Variants in PID1 observed in about 807,000 individuals in gnomAD.
PID1 encodes phosphotyrosine interaction domain containing 1.
A neutral mutation model predicts 19.1 loss-of-function variants in PID1; 10 were observed. That is an observed-to-expected ratio of 0.52 (90% CI 0.32 to 0.89). The LOEUF (loss-of-function observed/expected upper bound fraction) is 0.89, where lower values mean the gene tolerates loss of function less well. Among genes scored for constraint, PID1 ranks in the 40% least tolerant of loss-of-function variants. The probability of loss-of-function intolerance (pLI) is 0.03; values close to 1 mark genes in which losing one functional copy is unlikely to be tolerated. For synonymous variants in PID1, 130 were observed against 116.0 expected, an observed-to-expected ratio of 1.12 and a Z score of -0.78; for missense variants, 248 against 285.3, an observed-to-expected ratio of 0.87 and a Z score of 0.94.
intron 1 of PID1, among the ~76,000 whole-genome samples, chr2:229,185,853 C>A (rs1206375250): frequency 2.0e-5 from 3 of 152,148 alleles, no homozygotes; most frequent in Non-Finnish European, 4.4e-5. Context: ...ATTTCAAAAC[C>A]AATCATGTCT....
intron 2 of PID1, among the ~76,000 whole-genome samples, chr2:229,080,087 G>A (rs1694640226): frequency 6.6e-6 from 1 of 152,156 alleles, no homozygotes; most frequent in South Asian, 2.1e-4. Flanking sequence ...ACCCTCCCAA[G>A]GCATGACCTG....
intron 1 of PID1, among the ~76,000 whole-genome samples, chr2:229,251,523 C>A (rs545164550): frequency 3.2e-4 from 48 of 152,204 alleles, no homozygotes; most frequent in African/African-American, 1.2e-3. Context: ...ATTTCTAAAG[C>A]AGGCTTCTGC....
Position 229,046,381 on chromosome 2 carries a change from C to CGT in PID1, c.178-20275_178-20274dup, listed in dbSNP as rs532823161. 6.1e-3 allele frequency among the ~76,000 whole-genome samples: 554 copies of CGT among 91,420 alleles called. 2 individuals carry two copies. The highest frequency in any genetic ancestry group is 0.018 in the African/African-American group (356 of 20,034). The allele number at this position is 91,420 out of a possible 152,430, so 60.0% of individuals were successfully genotyped here. A position where few individuals can be genotyped will look rare whatever the true frequency, so the allele number is the denominator to read the frequency against. On this transcript the variant is annotated intron_variant, in intron 2 of 2. Coordinates refer to ENST00000392055, the MANE Select transcript of PID1 (RefSeq NM_001100818.2). The stretch of plus-strand genomic sequence containing the variant: ...GTGTGTGTGTGTGTGTGTGTGTGTG[C>CGT]GTGTGTGTGTGTGTGTGAGTCAGGA...
In PID1 at chr2:229,189,995, T is replaced by C. The variant is rs570823699; in HGVS notation, c.31-34031A>G. On this transcript the variant is annotated intron_variant, in intron 1 of 2. Coordinates refer to ENST00000392055, the MANE Select transcript of PID1 (RefSeq NM_001100818.2). ...AGAAAGCCTCAGTTTGATGCCAGTA[T>C]ACTTTCACCACCTTTCTTACACACT... Among the ~76,000 whole-genome samples, 5 of 152,312 alleles carry C rather than the reference T, an allele frequency of 3.3e-5. No individual in the cohort carries two copies. The South Asian group carries it at 8.3e-4, about 25-fold the overall frequency.
chr2:229,083,507 A>G (rs1432428199), intron 2 of PID1, among the ~76,000 whole-genome samples: 1 of 152,238 alleles, frequency 6.6e-6, no homozygotes, highest in Admixed American at 6.5e-5. Flanking sequence ...ATGACACTAA[A>G]GAACTTGAGG....
chr2:229,242,889 G>A (rs1689909500), intron 1 of PID1, among the ~76,000 whole-genome samples: 2 of 152,052 alleles, frequency 1.3e-5, no homozygotes, highest in Admixed American at 1.3e-4. Context: ...AGCCTCATGT[G>A]ATGTGCTCAC....
intron 1 of PID1, among the ~76,000 whole-genome samples, chr2:229,173,959 C>T (rs1263408830): frequency 1.3e-5 from 2 of 152,192 alleles, no homozygotes; most frequent in African/African-American, 2.4e-5. Flanking sequence ...CAGGACTAAG[C>T]TCCACTTACC....
chr2:229,129,469 C>T (rs1689673551), intron 2 of PID1, among the ~76,000 whole-genome samples: 1 of 151,124 alleles, frequency 6.6e-6, no homozygotes, highest in Non-Finnish European at 1.5e-5. Context: ...TCCATATCAG[C>T]AATCACAGCT....
At chr2:229,139,821 T>C (rs11687616) in intron 2 of PID1, among the ~76,000 whole-genome samples, 26,818 of 152,150 alleles carry the variant, frequency 0.18, 2,701 homozygotes, top group Non-Finnish European at 0.23. Context: ...CACTGGAGGA[T>C]TGGCCCAAGA....
At chr2:229,153,864 C>A (rs950573533) in intron 2 of PID1, among the ~76,000 whole-genome samples, 2 of 152,134 alleles carry the variant, frequency 1.3e-5, no homozygotes, top group Non-Finnish European at 2.9e-5. Flanking sequence ...ACACTTAATT[C>A]TCCTCCATAT....
At chr2:229,098,062 C>G (rs546286086) in intron 2 of PID1, among the ~76,000 whole-genome samples, 2 of 152,256 alleles carry the variant, frequency 1.3e-5, no homozygotes, top group African/African-American at 4.8e-5. Context: ...ATTCAGAGGC[C>G]CATTGAATCA....
At chr2:229,210,496 G>A (rs1665637438) in intron 1 of PID1, among the ~76,000 whole-genome samples, 1 of 102,228 alleles carries the variant, frequency 9.8e-6, no homozygotes, top group Admixed American at 1.6e-4. Context: ...CAGCCTGGGA[G>A]ACAAAGCTCC....
intron 2 of PID1, among the ~76,000 whole-genome samples, chr2:229,096,879 A>G (rs538748009): frequency 2.6e-5 from 4 of 152,200 alleles, no homozygotes; most frequent in Non-Finnish European, 5.9e-5. Context: ...CTCTGCTTAC[A>G]AGAAGGCATT....
At chr2:229,065,729 A>AG (rs1553558551) in intron 2 of PID1, among the ~76,000 whole-genome samples, 4 of 140,678 alleles carry the variant, frequency 2.8e-5, no homozygotes, top group African/African-American at 5.6e-5. Context: ...AAAAAAAAAA[A>AG]AAACAGGTTG....
intron 2 of PID1, among the ~76,000 whole-genome samples, chr2:229,055,268 C>T (rs1363832943): frequency 1.3e-5 from 2 of 152,214 alleles, no homozygotes; most frequent in South Asian, 2.1e-4. Context: ...ACCTTTCCTT[C>T]TCCTCATGGG....
At position 229,225,891 on chromosome 2, in the gene PID1, T is replaced by C. The variant is rs146952706; in HGVS notation, c.30+45123A>G. Among the ~76,000 whole-genome samples the C allele has an allele frequency of 2.4e-4, 37 of 152,268 alleles. No individual in the cohort carries two copies. The East Asian group carries it at 6.2e-3, about 25-fold the overall frequency. On this transcript the variant is annotated intron_variant, in intron 1 of 2. Coordinates refer to ENST00000392055, the MANE Select transcript of PID1 (RefSeq NM_001100818.2). ...GGAGGTAACCAGCCCCATGATTCTG[T>C]TATCTCCCACTGGGTCCATCCCAGA...
intron 1 of PID1, among the ~76,000 whole-genome samples, chr2:229,257,082 C>T (rs1355920496): frequency 6.6e-6 from 1 of 152,162 alleles, no homozygotes; most frequent in Non-Finnish European, 1.5e-5. Context: ...CCAAACTGCT[C>T]ACCCCTGTGG....
intron 1 of PID1, among the ~76,000 whole-genome samples, chr2:229,223,222 G>A (rs1479369322): frequency 6.6e-6 from 1 of 151,988 alleles, no homozygotes; most frequent in Non-Finnish European, 1.5e-5. Flanking sequence ...CCTAGTATTA[G>A]CCTAAAAAAC....
In PID1 at chr2:229,187,579, T is replaced by A. The variant is rs375745873; in HGVS notation, c.31-31615A>T. ...ATAGGAAAGACCAGCCACGATGATT[T>A]AATTACCTTCCACTGGTCCCTCCCA... is the stretch of plus-strand genomic sequence containing the variant. On this transcript the variant is annotated intron_variant, in intron 1 of 2. Coordinates refer to ENST00000392055, the MANE Select transcript of PID1 (RefSeq NM_001100818.2). Among the ~76,000 whole-genome samples, 33 of 152,280 alleles carry A rather than the reference T, an allele frequency of 2.2e-4. No individual in the cohort carries two copies. The South Asian group carries it at 5.6e-3, about 26-fold the overall frequency.
Sources: gnomAD v4.1 joint callset for allele counts (sites outside exome capture counted in the v4.1 genomes callset) on GRCh38, gnomAD v4.1.1 for gene constraint, MANE v1.5 for transcripts, NCBI Gene and HGNC (gene_info 2026-07-23, HGNC 2026-07-21) for gene names.